The following CNTNAP2 variants were observed in gnomAD, a reference collection of about 807,000 sequenced individuals.
The protein encoded by CNTNAP2 is contactin-associated protein-like 2.
CNTNAP2 carries 98 observed loss-of-function variants against 155.2 expected under a neutral mutation model. The observed-to-expected ratio is 0.63, with a 90% CI of 0.54 to 0.75. The LOEUF (loss-of-function observed/expected upper bound fraction) is 0.75. Ranked by LOEUF, CNTNAP2 falls within the 30% of genes least tolerant of loss-of-function variation. The probability of loss-of-function intolerance (pLI) is 0.00; values close to 1 mark genes in which losing one functional copy is unlikely to be tolerated. For synonymous variants in CNTNAP2, 651 were observed against 631.2 expected (o/e 1.03, Z -0.47); for missense variants, 1,727 against 1,688.1 (o/e 1.02, Z -0.40).
chr7:148,367,785 C>T (rs572605186), intron 21 of CNTNAP2, among the ~76,000 whole-genome samples: 2 of 152,222 alleles, frequency 1.3e-5, no homozygotes, highest in East Asian at 1.9e-4. Context: ...AAGTACGCAA[C>T]ATGTCACCAA....
intron 15 of CNTNAP2, among the ~76,000 whole-genome samples, chr7:147,996,550 A>C (rs1801807795): frequency 6.6e-6 from 1 of 152,224 alleles, no homozygotes; most frequent in Non-Finnish European, 1.5e-5. Flanking sequence ...CATCTGTAAA[A>C]TAGAAATAAT....
intron 13 of CNTNAP2, among the ~76,000 whole-genome samples, chr7:147,839,028 C>T (rs960901226): frequency 6.6e-6 from 1 of 152,132 alleles, no homozygotes; most frequent in African/African-American, 2.4e-5. Flanking sequence ...GGCAAGGAAG[C>T]AAGTCCAAGT....
rs1197100547 is a variant in CNTNAP2 at position 147,351,118 on chromosome 7, C to G, written c.1499-44491C>G. On this transcript the variant is annotated intron_variant, in intron 9 of 23. Coordinates refer to ENST00000361727, the MANE Select transcript of CNTNAP2 (RefSeq NM_014141.6). ...CCAAAAACTTCAGGTATTTTTTCTT[C>G]TTTGCAGTGTTTTAAAATGTATTTG... 2.6e-5 allele frequency among the ~76,000 whole-genome samples: 4 copies of G among 151,676 alleles called. No homozygotes were observed. In the South Asian group the frequency reaches 6.2e-4, roughly 24 times the overall value.
At chr7:148,309,961 C>T (rs948542470) in intron 21 of CNTNAP2, among the ~76,000 whole-genome samples, 10 of 151,920 alleles carry the variant, frequency 6.6e-5, no homozygotes, top group South Asian at 2.1e-4. Flanking sequence ...GGATTAGGGG[C>T]GGCATGGGAA....
chr7:148,125,644 T>C (rs76201192), intron 16 of CNTNAP2, among the ~76,000 whole-genome samples: 3,981 of 151,344 alleles, frequency 0.026, 74 homozygotes, highest in Middle Eastern at 0.051. Context: ...GTAATCTCTG[T>C]TATTATAAAA....
intron 1 of CNTNAP2, among the ~76,000 whole-genome samples, chr7:146,138,351 AT>A (rs1797827544): frequency 6.6e-6 from 1 of 152,078 alleles, no homozygotes; most frequent in Non-Finnish European, 1.5e-5. Flanking sequence ...TTATCTCAAG[AT>A]TTTTTTAATT....
chr7:146,782,368 ACTT>A (rs1802506669), intron 2 of CNTNAP2: 1 of 152,082 alleles, frequency 6.6e-6, no homozygotes, highest in Non-Finnish European at 1.5e-5. Flanking sequence ...GGCTGGTCAT[ACTT>A]CTTCATCTTC....
chr7:146,494,468 G>A (rs889546455), intron 1 of CNTNAP2, among the ~76,000 whole-genome samples: 1 of 151,972 alleles, frequency 6.6e-6, no homozygotes, highest in Non-Finnish European at 1.5e-5. Flanking sequence ...TTCCCTGAAA[G>A]CATAAAGAAT....
chr7:146,805,893 AAT>A (rs1491399910), intron 2 of CNTNAP2, among the ~76,000 whole-genome samples: 2 of 152,226 alleles, frequency 1.3e-5, no homozygotes, highest in African/African-American at 2.4e-5. Flanking sequence ...ACCAGAAGTC[AAT>A]TTTTTTTAAA....
intron 13 of CNTNAP2, among the ~76,000 whole-genome samples, chr7:147,680,999 AT>A (rs1449388034): frequency 6.6e-6 from 1 of 151,980 alleles, no homozygotes; most frequent in Non-Finnish European, 1.5e-5. Flanking sequence ...TAACATTAGA[AT>A]ATTTTGTTAT....
chr7:148,332,918 C>A (rs1286839048), intron 21 of CNTNAP2, among the ~76,000 whole-genome samples: 2 of 152,154 alleles, frequency 1.3e-5, no homozygotes, highest in South Asian at 2.1e-4. Flanking sequence ...GATCACAGAA[C>A]CTCCTATGAG....
At chr7:147,906,224 C>G (rs151163385) in intron 14 of CNTNAP2, among the ~76,000 whole-genome samples, 2 of 152,106 alleles carry the variant, frequency 1.3e-5, no homozygotes, top group African/African-American at 2.4e-5. Flanking sequence ...TGGGGTCTCA[C>G]TCTGTCACCC....
In CNTNAP2 at chr7:146,701,046, G is replaced by GA. The variant is rs1035353796; in HGVS notation, c.98-73215dup. 1.5e-4 allele frequency among the ~76,000 whole-genome samples: 8 copies of GA among 54,132 alleles called. No homozygotes were observed. In the South Asian group the frequency reaches 2.2e-3, roughly 15 times the overall value. The allele number at this position is 54,132 out of a possible 152,430, so 35.5% of individuals were successfully genotyped here. On this transcript the variant is annotated intron_variant, in intron 1 of 23. Transcript: ENST00000361727. ...CTGAATAATATGGAGTCAAGGCTCTGAAAAAAAAAAGTAGATCAAACAAGG... is the reference window on the plus strand; with the variant it reads ...CTGAATAATATGGAGTCAAGGCTCTGAAAAAAAAAAAGTAGATCAAACAAGG...
chr7:147,849,718 G>C (rs111916881), intron 13 of CNTNAP2, among the ~76,000 whole-genome samples: 1 of 152,204 alleles, frequency 6.6e-6, no homozygotes. Flanking sequence ...CAGGGACTCT[G>C]TGGACCCAGC....
At chr7:147,722,166 A>C (rs2117028768) in intron 13 of CNTNAP2, among the ~76,000 whole-genome samples, 1 of 152,312 alleles carries the variant, frequency 6.6e-6, no homozygotes, top group Middle Eastern at 3.4e-3. Flanking sequence ...GTGTGGGAGA[A>C]ATACAGACCA....
chr7:147,240,169 A>G (rs1215979748), intron 8 of CNTNAP2, among the ~76,000 whole-genome samples: 1 of 152,166 alleles, frequency 6.6e-6, no homozygotes, highest in Non-Finnish European at 1.5e-5. Flanking sequence ...AACATGAAAA[A>G]CAAATCAGCT....
At chr7:148,087,009 T>TA (rs1208896038) in intron 15 of CNTNAP2, among the ~76,000 whole-genome samples, 15 of 152,190 alleles carry the variant, frequency 9.9e-5, no homozygotes, top group African/African-American at 3.1e-4. Context: ...CTTGGAAATT[T>TA]AAAAAAATAG....
At chr7:148,123,558 C>T (rs1289389517) in intron 16 of CNTNAP2, among the ~76,000 whole-genome samples, 3 of 151,474 alleles carry the variant, frequency 2.0e-5, no homozygotes, top group African/African-American at 4.9e-5. Flanking sequence ...GATCACACAG[C>T]TGTACCCCCT....
chr7:148,257,173 G>A (rs1227192827), intron 20 of CNTNAP2, among the ~76,000 whole-genome samples: 1 of 152,026 alleles, frequency 6.6e-6, no homozygotes. Context: ...TCCATTCTAC[G>A]AAGATGCCCC....
Sources: gnomAD v4.1 joint callset for allele counts (sites outside exome capture counted in the v4.1 genomes callset) on GRCh38, gnomAD v4.1.1 for gene constraint, MANE v1.5 for transcripts, NCBI Gene and HGNC (gene_info 2026-07-23, HGNC 2026-07-21) for gene names.